STK17A: variants seen among roughly 807,000 people sequenced by gnomAD.
STK17A encodes the protein serine/threonine-protein kinase 17A.
STK17A carries 26 observed loss-of-function variants against 43.7 expected under a neutral mutation model. The ratio of observed to expected loss-of-function variants is 0.60; its 90% CI spans 0.44 to 0.83. STK17A has a LOEUF of 0.83. Among genes scored for constraint, STK17A ranks in the 40% least tolerant of loss-of-function variants. STK17A has a pLI of 0.00. For missense variants in STK17A, 476 were observed against 511.6 expected (o/e 0.93, Z 0.67); for synonymous variants, 191 against 182.5 (o/e 1.05, Z -0.38).
intron 4 of STK17A, among the ~76,000 whole-genome samples, chr7:43,621,627 C>T (rs745936835): frequency 4.6e-5 from 7 of 152,068 alleles, no homozygotes; most frequent in Admixed American, 1.3e-4. Flanking sequence ...GCCAGCACAG[C>T]GGGCCAGTTT....
chr7:43,597,961 G>A (rs2082530105), intron 2 of STK17A, among the ~76,000 whole-genome samples: 2 of 151,792 alleles, frequency 1.3e-5, no homozygotes, highest in African/African-American at 2.4e-5. Flanking sequence ...TTTAAAAGGG[G>A]ATTTATTTAG....
intron 3 of STK17A, 40 bp from the exon 4 acceptor site, chr7:43,619,551 TTAATCA>T (rs1563162869): frequency 1.9e-6 from 3 of 1,595,224 alleles, no homozygotes; most frequent in Admixed American, 3.5e-5. Flanking sequence ...TTTTGTGTAC[TTAATCA>T]TAGTTATATT....
intron 2 of STK17A, among the ~76,000 whole-genome samples, chr7:43,603,940 A>T (rs1200008657): frequency 1.3e-5 from 2 of 152,212 alleles, no homozygotes; most frequent in African/African-American, 4.8e-5. Context: ...CATTATGTAT[A>T]TGCTAATATT....
At position 43,583,271 on chromosome 7, in the gene STK17A, G is replaced by A. The variant is rs904358428; in HGVS notation, c.28G>A (p.Gly10Ser). 5.2e-6 allele frequency: 8 copies of A among 1,545,110 alleles called. No homozygotes were observed. In the African/African-American group the frequency reaches 1.0e-4, roughly 19 times the overall value. Reference protein sequence around the residue: MIPLEKPGSGGSSPGATSGS... With the variant: MIPLEKPGSSGSSPGATSGS... ...GATCCCTTTGGAGAAGCCAGGCAGC[G>A]GCGGCTCCTCCCCAGGCGCCACCTC... Residue 10 changes from glycine to serine, a missense_variant, in exon 1 of 7, where the codon GGC becomes AGC. This residue lies in a region of STK17A where 320 missense variants were observed against 326.3 expected (regional missense o/e 0.98). Transcript: ENST00000319357.
At chr7:43,608,990 A>G (rs1279794878) in intron 3 of STK17A, 1 of 152,356 alleles carries the variant, frequency 6.6e-6, no homozygotes, top group Non-Finnish European at 1.5e-5. Context: ...AGAGGAAGGA[A>G]AGAAAAACAA....
chr7:43,613,256 A>G (rs1468858619), intron 3 of STK17A, among the ~76,000 whole-genome samples: 1 of 152,106 alleles, frequency 6.6e-6, no homozygotes, highest in Non-Finnish European at 1.5e-5. Context: ...CAAAGTTCCA[A>G]AAAGCTAAAC....
intron 1 of STK17A, among the ~76,000 whole-genome samples, chr7:43,594,172 C>T (rs922291482): frequency 6.6e-6 from 1 of 151,742 alleles, no homozygotes; most frequent in Non-Finnish European, 1.5e-5. Flanking sequence ...GTGGGAGGAT[C>T]ACTTGAGCCC....
At chr7:43,612,272 A>G (rs912887243) in intron 3 of STK17A, among the ~76,000 whole-genome samples, 1 of 152,138 alleles carries the variant, frequency 6.6e-6, no homozygotes, top group Non-Finnish European at 1.5e-5. Context: ...GCAGTCAGAC[A>G]TGTCTCTGAG....
chr7:43,624,869 A>C lies in STK17A; in HGVS notation c.*27A>C. On this transcript the variant is annotated 3_prime_UTR_variant, in exon 7 of 7. Coordinates refer to ENST00000319357, the MANE Select transcript of STK17A (RefSeq NM_004760.3). ...CAATATTTCCCTTTAGAACTTCAAG[A>C]TTTCTACATTGAAAATGTTAATATT... 1.3e-6 allele frequency: 2 copies of C among 1,544,222 alleles called. No individual in the cohort carries two copies. The highest frequency in any genetic ancestry group is 1.7e-6 in the Non-Finnish European group (2 of 1,144,560).
chr7:43,602,901 A>G (rs1479358250), intron 2 of STK17A, among the ~76,000 whole-genome samples: 1 of 112,172 alleles, frequency 8.9e-6, no homozygotes, highest in East Asian at 2.0e-4. Flanking sequence ...AGTGCAGTCA[A>G]TAGCAGTCAA....
At chr7:43,590,443 C>G (rs776383303) in intron 1 of STK17A, among the ~76,000 whole-genome samples, 31 of 151,232 alleles carry the variant, frequency 2.0e-4, no homozygotes, top group Non-Finnish European at 3.9e-4. Context: ...GTCACCTCCT[C>G]TTGTTATAAT....
chr7:43,619,063 C>A (rs972929751), intron 3 of STK17A, among the ~76,000 whole-genome samples: 1 of 152,124 alleles, frequency 6.6e-6, no homozygotes, highest in Non-Finnish European at 1.5e-5. Flanking sequence ...GGAATTTCAA[C>A]AATACAAGGA....
rs759357000 is a variant in STK17A at position 43,583,436 on chromosome 7, C to T, written c.193C>T (p.Arg65Trp). The change falls in exon 1 of 7, where the codon CGG (arginine) becomes TGG (tryptophan). Residue 65 changes from arginine (R) to tryptophan (W), a missense_variant. Physicochemically the swap from Arg to Trp is moderately radical, Grantham distance 101 (BLOSUM62 -3). This residue lies in a region of STK17A where 320 missense variants were observed against 326.3 expected (regional missense o/e 0.98). Transcript: ENST00000319357. ...FQDGYSLCPG[R>W]ELGRGKFAVV... ...GGACGGCTACAGCCTGTGCCCGGGC[C>T]GGGAGCTGGGCAGGTGAGGACGGGC... 4 of 1,364,838 alleles carry T rather than the reference C, an allele frequency of 2.9e-6. No individual in the cohort carries two copies. Among genetic ancestry groups the T allele is most frequent in the African/African-American group, 3.1e-5 (2 of 65,184 alleles). The allele number at this position is 1,364,838 out of a possible 1,614,324, so 84.5% of individuals were successfully genotyped here. A position where few individuals can be genotyped will look rare whatever the true frequency, so the allele number is the denominator to read the frequency against.
intron 3 of STK17A, among the ~76,000 whole-genome samples, chr7:43,615,481 T>C (rs2083262825): frequency 6.8e-6 from 1 of 147,436 alleles, no homozygotes; most frequent in Non-Finnish European, 1.5e-5. Flanking sequence ...CCAGCCCTTT[T>C]GTTGTACTAT....
At chr7:43,615,564 G>A (rs559897743) in intron 3 of STK17A, among the ~76,000 whole-genome samples, 29 of 152,272 alleles carry the variant, frequency 1.9e-4, no homozygotes, top group African/African-American at 7.0e-4. Flanking sequence ...ATGGTACATA[G>A]GTGTTTTTTT....
In STK17A at chr7:43,592,060, A is replaced by G. The variant is rs578171345; in HGVS notation, c.207-3841A>G. Among the ~76,000 whole-genome samples the G allele has an allele frequency of 2.0e-4, 30 of 151,746 alleles. 2 individuals are homozygous for G. The highest frequency in any genetic ancestry group is 4.1e-4 in the South Asian group (2 of 4,826). ...CAGGAACATGTTTGCTGCCAATTATATGTTGAGACTTCATTTCAGACGAAT... is the reference window on the plus strand; with the variant it reads ...CAGGAACATGTTTGCTGCCAATTATGTGTTGAGACTTCATTTCAGACGAAT... On this transcript the variant is annotated intron_variant, in intron 1 of 6. Coordinates refer to ENST00000319357, the MANE Select transcript of STK17A (RefSeq NM_004760.3).
At chr7:43,623,672 G>A in intron 5 of STK17A, 37 bp from the exon 6 acceptor site, 3 of 1,602,314 alleles carry the variant, frequency 1.9e-6, no homozygotes, top group Admixed American at 1.7e-5. Flanking sequence ...AAATGAGTAT[G>A]GTACTAAATT....
intron 3 of STK17A, 60 bp from the exon 4 acceptor site, chr7:43,619,537 C>T (rs1331338667): frequency 1.9e-6 from 3 of 1,569,658 alleles, no homozygotes; most frequent in Middle Eastern, 1.7e-4. Context: ...TTATGGGCTG[C>T]ATGTTTTGTG....
intron 3 of STK17A, among the ~76,000 whole-genome samples, chr7:43,612,616 A>G (rs2082976216): frequency 6.6e-6 from 1 of 152,008 alleles, no homozygotes; most frequent in South Asian, 2.1e-4. Context: ...AAAATGGGAA[A>G]CTCCTGTCCC....
Sources: gnomAD v4.1 joint callset for allele counts (sites outside exome capture counted in the v4.1 genomes callset) on GRCh38, gnomAD v4.1.1 for gene constraint, gnomAD v4.1.1 regional missense constraint, MANE v1.5 for transcripts, NCBI Gene and HGNC (gene_info 2026-07-23, HGNC 2026-07-21) for gene names.